KCTD16: variants seen among roughly 807,000 people sequenced by gnomAD.
KCTD16 encodes BTB/POZ domain-containing protein KCTD16.
KCTD16 carries 13 observed loss-of-function variants against 33.2 expected under a neutral mutation model. That is an observed-to-expected ratio of 0.39 (90% CI 0.25 to 0.62). The LOEUF (loss-of-function observed/expected upper bound fraction) is 0.62. KCTD16 is among the 20% of genes least tolerant of loss of function. The probability of loss-of-function intolerance (pLI) is 0.50; values close to 1 mark genes in which losing one functional copy is unlikely to be tolerated. For synonymous variants in KCTD16, 197 were observed against 195.3 expected, an observed-to-expected ratio of 1.01 and a Z score of -0.07; for missense variants, 441 against 525.1, an observed-to-expected ratio of 0.84 and a Z score of 1.57.
chr5:144,347,372 A>G (rs1752830021), intron 3 of KCTD16, among the ~76,000 whole-genome samples: 1 of 152,168 alleles, frequency 6.6e-6, no homozygotes, highest in Admixed American at 6.5e-5. Flanking sequence ...AGTCGGGAGG[A>G]TCACCTGAGG....
chr5:144,246,508 G>T (rs1048041605), intron 3 of KCTD16, among the ~76,000 whole-genome samples: 1 of 152,178 alleles, frequency 6.6e-6, no homozygotes, highest in Middle Eastern at 3.4e-3. Context: ...AATTAATATA[G>T]AACTTTTATG....
At chr5:144,274,064 CTT>C (rs1455702598) in intron 3 of KCTD16, among the ~76,000 whole-genome samples, 1 of 150,666 alleles carries the variant, frequency 6.6e-6, no homozygotes, top group African/African-American at 2.4e-5. Context: ...AAAAAATCCA[CTT>C]GGGCATTTTA....
chr5:144,371,283 T>C (rs1394713062), intron 3 of KCTD16, among the ~76,000 whole-genome samples: 1 of 152,146 alleles, frequency 6.6e-6, no homozygotes, highest in Admixed American at 6.6e-5. Flanking sequence ...TTGAGATCTT[T>C]CTGGAAATGC....
chr5:144,314,448 T>G (rs1390306718), intron 3 of KCTD16, among the ~76,000 whole-genome samples: 2 of 152,146 alleles, frequency 1.3e-5, no homozygotes, highest in Non-Finnish European at 2.9e-5. Context: ...GGCAAGAAAC[T>G]ACAAAAGTGT....
At chr5:144,465,190 T>G (rs1447002969) in intron 3 of KCTD16, among the ~76,000 whole-genome samples, 13 of 42,750 alleles carry the variant, frequency 3.0e-4, no homozygotes, top group African/African-American at 5.1e-4. Flanking sequence ...CTCCCCCCCC[T>G]CTCTCTCTCA....
At chr5:144,417,097 C>T (rs1753072580) in intron 3 of KCTD16, among the ~76,000 whole-genome samples, 1 of 152,106 alleles carries the variant, frequency 6.6e-6, no homozygotes, top group South Asian at 2.1e-4. Flanking sequence ...TGAACAGGTA[C>T]TTGTTTGAAT....
chr5:144,254,175 T>A (rs1046859857), intron 3 of KCTD16, among the ~76,000 whole-genome samples: 12 of 152,100 alleles, frequency 7.9e-5, no homozygotes, highest in Non-Finnish European at 1.5e-5. Flanking sequence ...TCTCGCTCTG[T>A]CGCCCAGGCT....
At chr5:144,372,417 C>A (rs1751989050) in intron 3 of KCTD16, among the ~76,000 whole-genome samples, 2 of 152,156 alleles carry the variant, frequency 1.3e-5, no homozygotes, top group South Asian at 4.1e-4. Context: ...AGGATGCAAA[C>A]ATACACGGAA....
At chr5:144,373,206 G>A (rs1345773819) in intron 3 of KCTD16, among the ~76,000 whole-genome samples, 1 of 152,086 alleles carries the variant, frequency 6.6e-6, no homozygotes, top group Non-Finnish European at 1.5e-5. Context: ...AGGCTCATAT[G>A]TTAAATTTCA....
intron 3 of KCTD16, among the ~76,000 whole-genome samples, chr5:144,449,234 A>C (rs1753887809): frequency 6.6e-6 from 1 of 152,010 alleles, no homozygotes; most frequent in Non-Finnish European, 1.5e-5. Flanking sequence ...AAAACCAGAA[A>C]ACGTAATGAA....
At chr5:144,251,962 A>G (rs560547562) in intron 3 of KCTD16, among the ~76,000 whole-genome samples, 11 of 152,278 alleles carry the variant, frequency 7.2e-5, no homozygotes, top group Admixed American at 4.6e-4. Context: ...CTACATCTTT[A>G]TTAAAGTATA....
At chr5:144,230,429 G>A (rs965556378) in intron 3 of KCTD16, among the ~76,000 whole-genome samples, 1 of 152,124 alleles carries the variant, frequency 6.6e-6, no homozygotes, top group African/African-American at 2.4e-5. Context: ...AAATCTTTAG[G>A]CATGCTGAAA....
chr5:144,336,093 C>T (rs1752484812), intron 3 of KCTD16, among the ~76,000 whole-genome samples: 1 of 152,170 alleles, frequency 6.6e-6, no homozygotes, highest in Non-Finnish European at 1.5e-5. Context: ...ACATGACTTT[C>T]CCACTGACAG....
Position 144,412,958 on chromosome 5 carries a change from T to C in KCTD16, c.833-60702T>C, listed in dbSNP as rs150748909. Among the ~76,000 whole-genome samples, 405 of 152,326 alleles carry C rather than the reference T, an allele frequency of 2.7e-3. 4 individuals are homozygous for C. Among genetic ancestry groups the C allele is most frequent in the African/African-American group, 8.2e-3 (342 of 41,578 alleles). On this transcript the variant is annotated intron_variant, in intron 3 of 3. Coordinates refer to ENST00000512467, the MANE Select transcript of KCTD16 (RefSeq NM_020768.4). ...GGTGATATAGTTTATAATACTTCAT[T>C]GTATATTTTAAGATGGCTAGAATAG...
At chr5:144,445,603 A>G (rs1753801900) in intron 3 of KCTD16, among the ~76,000 whole-genome samples, 1 of 152,064 alleles carries the variant, frequency 6.6e-6, no homozygotes, top group Non-Finnish European at 1.5e-5. Flanking sequence ...CATTTAGAAT[A>G]AGGTGGGGTT....
intron 3 of KCTD16, among the ~76,000 whole-genome samples, chr5:144,258,597 A>G (rs1354936330): frequency 2.0e-5 from 3 of 152,260 alleles, no homozygotes; most frequent in Non-Finnish European, 2.9e-5. Flanking sequence ...TAAGCACAAT[A>G]TGCACATTCA....
chr5:144,363,432 T>G (rs1235547836), intron 3 of KCTD16, among the ~76,000 whole-genome samples: 1 of 152,072 alleles, frequency 6.6e-6, no homozygotes, highest in Non-Finnish European at 1.5e-5. Context: ...GGACCAATAT[T>G]GTATCTGATT....
chr5:144,457,965 C>T (rs1037398815), intron 3 of KCTD16, among the ~76,000 whole-genome samples: 2 of 152,162 alleles, frequency 1.3e-5, no homozygotes, highest in Admixed American at 6.5e-5. Context: ...TTCCAGAGAT[C>T]CAGGCCAGCC....
intron 3 of KCTD16, among the ~76,000 whole-genome samples, chr5:144,358,826 C>T (rs944861939): frequency 6.6e-6 from 1 of 152,194 alleles, no homozygotes; most frequent in African/African-American, 2.4e-5. Flanking sequence ...CTTTGGGCCT[C>T]TTTTATAAAG....
Sources: gnomAD v4.1 joint callset for allele counts (sites outside exome capture counted in the v4.1 genomes callset) on GRCh38, gnomAD v4.1.1 for gene constraint, MANE v1.5 for transcripts, NCBI Gene and HGNC (gene_info 2026-07-23, HGNC 2026-07-21) for gene names.